Variants in PRPF6 observed in about 807,000 individuals in gnomAD.
PRPF6 encodes pre-mRNA-processing factor 6.
Under a neutral mutation model 118.3 loss-of-function variants are expected in PRPF6, and 42 were observed. That is an observed-to-expected ratio of 0.35 (90% CI 0.28 to 0.46). The LOEUF is 0.46. Among genes scored for constraint, PRPF6 ranks in the 20% least tolerant of loss-of-function variants. The pLI is 1.00. For missense variants in PRPF6, 662 were observed against 1,255.7 expected, an observed-to-expected ratio of 0.53 and a Z score of 7.15; for synonymous variants, 481 against 485.1, an observed-to-expected ratio of 0.99 and a Z score of 0.11.
At chr20:64,007,464 CT>C (rs199727901) in intron 9 of PRPF6, among the ~76,000 whole-genome samples, 22,831 of 124,506 alleles carry the variant, frequency 0.18, 2,346 homozygotes, top group African/African-American at 0.29. Flanking sequence ...CCCTTTTCCT[CT>C]TTTTTTTTTT....
intron 13 of PRPF6, among the ~76,000 whole-genome samples, 186 bp from the exon 14 acceptor site, chr20:64,024,369 T>A (rs2059278520): frequency 6.6e-6 from 1 of 152,184 alleles, no homozygotes. Flanking sequence ...AGTAGTTGAT[T>A]TTAGAACCTT....
At chr20:64,022,985 A>G in intron 13 of PRPF6, 107 bp downstream of exon 13, 1 of 1,556,362 alleles carries the variant, frequency 6.4e-7, no homozygotes. Context: ...TCTTGTGCCC[A>G]TTTGAGGTCT....
At chr20:63,997,896 C>T (rs2059148350) in intron 6 of PRPF6, among the ~76,000 whole-genome samples, 1 of 151,840 alleles carries the variant, frequency 6.6e-6, no homozygotes, top group South Asian at 2.1e-4. Flanking sequence ...CAGTTTAAGG[C>T]AGGATGAGAC....
intron 12 of PRPF6, among the ~76,000 whole-genome samples, chr20:64,017,989 G>A (rs1182898999): frequency 6.6e-6 from 1 of 152,214 alleles, no homozygotes; most frequent in African/African-American, 2.4e-5. Context: ...GATCGCTTGA[G>A]CTCGGGAGTT....
At position 63,999,775 on chromosome 20, in the gene PRPF6, G is replaced by T. The variant is rs772173098; in HGVS notation, c.1023+16G>T. 1.4e-5 allele frequency: 22 copies of T among 1,612,014 alleles called. No homozygotes were observed. Among genetic ancestry groups the T allele is most frequent in the Non-Finnish European group, 1.9e-5 (22 of 1,179,728 alleles). On this transcript the variant is annotated intron_variant, in intron 8 of 20. Coordinates refer to ENST00000266079, the MANE Select transcript of PRPF6 (RefSeq NM_012469.4). ...GTGCCCCAAGGTGAGGTATTTCCTG[G>T]GAGGCGTTTCCTGGGAGGCTGCGTG...
rs1182455011 is a variant in PRPF6 at position 63,995,368 on chromosome 20, C to T, written c.657C>T (p.Asn219=). ...GLNTPYPGGL[N]TPYPGGMTPG... ...ACACACCCTATCCAGGTGGACTAAA[C>T]ACTCCATACCCAGGTGGAATGACGC... Residue 219 remains asparagine (N), a synonymous_variant, in exon 6 of 21, where the codon AAC becomes AAT. Transcript: ENST00000266079. The T allele has an allele frequency of 6.2e-7, 1 of 1,613,876 alleles. No individual in the cohort carries two copies. The highest frequency in any genetic ancestry group is 8.5e-7 in the Non-Finnish European group (1 of 1,179,966).
At chr20:63,993,224 AAAT>A (rs2059125898) in intron 3 of PRPF6, among the ~76,000 whole-genome samples, 180 bp from the exon 4 acceptor site, 1 of 113,584 alleles carries the variant, frequency 8.8e-6, no homozygotes, top group South Asian at 3.4e-4. Context: ...TCAAAAAAAA[AAAT>A]GTGTGTGTGT....
intron 9 of PRPF6, among the ~76,000 whole-genome samples, chr20:64,002,160 A>G (rs956160480): frequency 6.7e-6 from 1 of 148,806 alleles, no homozygotes; most frequent in African/African-American, 2.5e-5. Context: ...CTGGGACTAC[A>G]GGCGCCTGCC....
chr20:63,993,763 T>C (rs572434588), intron 4 of PRPF6, among the ~76,000 whole-genome samples: 25 of 152,154 alleles, frequency 1.6e-4, no homozygotes, highest in African/African-American at 5.8e-4. Context: ...TTTTCTTTTT[T>C]TTTTTGGAGG....
At chr20:63,995,304 G>C (rs186296076) in intron 5 of PRPF6, 23 bp from the exon 6 acceptor site, 4 of 1,598,786 alleles carry the variant, frequency 2.5e-6, no homozygotes, top group Non-Finnish European at 3.4e-6. Flanking sequence ...TTTTATTCTT[G>C]CCTTTCCTCT....
intron 20 of PRPF6, 50 bp downstream of exon 20, chr20:64,032,094 G>A: frequency 6.2e-7 from 1 of 1,611,916 alleles, no homozygotes; most frequent in Non-Finnish European, 8.5e-7. Flanking sequence ...GACTGTGGCG[G>A]GGAGTTCCGC....
chr20:63,983,243 C>G (rs1412060133), intron 2 of PRPF6, 28 bp downstream of exon 2: 3 of 1,614,002 alleles, frequency 1.9e-6, no homozygotes, highest in Non-Finnish European at 2.5e-6. Flanking sequence ...TTCGTGGCTC[C>G]TCCAGCCAGT....
rs1164271422 is a variant in PRPF6, at chr20:64,028,727, T to G, written c.2431+158T>G. On this transcript the variant is annotated intron_variant, in intron 18 of 20. Coordinates refer to ENST00000266079, the MANE Select transcript of PRPF6 (RefSeq NM_012469.4). The surrounding 1 kb of genome is among the most constrained non-coding windows in gnomAD (Gnocchi z 6.5). ...AGGCTTCAGACGGACTTTATTAAAA[T>G]GTGTAGTTTGTGTGAATCATTTCAG... is the stretch of plus-strand genomic sequence containing the variant. Among the ~76,000 whole-genome samples the G allele has an allele frequency of 1.3e-5, 2 of 152,168 alleles. No individual in the cohort carries two copies. The highest frequency in any genetic ancestry group is 1.3e-4 in the Admixed American group (2 of 15,266).
At chr20:64,003,923 G>T (rs957230098) in intron 9 of PRPF6, among the ~76,000 whole-genome samples, 3 of 152,216 alleles carry the variant, frequency 2.0e-5, no homozygotes, top group African/African-American at 7.2e-5. Flanking sequence ...TAATGAGGTG[G>T]CCAGGAACAG....
chr20:64,031,862 C>T, intron 19 of PRPF6, 56 bp from the exon 20 acceptor site: 1 of 1,613,256 alleles, frequency 6.2e-7, no homozygotes, highest in South Asian at 1.1e-5. Flanking sequence ...TTCCCCTGCC[C>T]CAGAATACCG....
In PRPF6 at chr20:64,002,645, C is replaced by CT. The variant is rs1231191438; in HGVS notation, c.1186+1422dup. Reference sequence around the variant, plus strand: ...GCCCCTGTGCCTGGCCTTTTCTTTTCTTTTTTTTTTTTTTTTGAGATGGAG... The same window carrying CT: ...GCCCCTGTGCCTGGCCTTTTCTTTTCTTTTTTTTTTTTTTTTTGAGATGGAG... On this transcript the variant is annotated intron_variant, in intron 9 of 20. Coordinates refer to ENST00000266079, the MANE Select transcript of PRPF6 (RefSeq NM_012469.4). Among the ~76,000 whole-genome samples, 635 of 98,324 alleles carry CT rather than the reference C, an allele frequency of 6.5e-3. 1 individual carries two copies. The highest frequency in any genetic ancestry group is 0.014 in the African/African-American group (363 of 26,028). 64.5% of individuals were successfully genotyped at this position (98,324 alleles called of 152,430 possible).
chr20:63,994,391 A>G (rs1601513480), intron 4 of PRPF6, among the ~76,000 whole-genome samples: 1 of 151,804 alleles, frequency 6.6e-6, no homozygotes, highest in Non-Finnish European at 1.5e-5. Context: ...TCCCGACCTC[A>G]GGTGATCTGC....
intron 8 of PRPF6, among the ~76,000 whole-genome samples, chr20:63,999,975 G>A (rs1404774658): frequency 6.8e-6 from 1 of 146,774 alleles, no homozygotes; most frequent in African/African-American, 2.5e-5. Flanking sequence ...TTTTGGAGAC[G>A]GAGTCTCGCT....
intron 9 of PRPF6, among the ~76,000 whole-genome samples, chr20:64,003,591 A>T (rs1342958425): frequency 3.3e-5 from 5 of 151,956 alleles, no homozygotes; most frequent in Non-Finnish European, 7.4e-5. Flanking sequence ...GCTCAGAGAC[A>T]GCCTCTTTTA....
Sources: allele counts gnomAD v4.1 joint callset (sites outside exome capture counted in the v4.1 genomes callset), GRCh38; gene constraint gnomAD v4.1.1; non-coding constraint Gnocchi (gnomAD v3.1); transcripts MANE v1.5; gene names NCBI Gene and HGNC (gene_info 2026-07-23, HGNC 2026-07-21).